The following PAX3 variants were observed in gnomAD, a reference collection of about 807,000 sequenced individuals.
PAX3 encodes the protein paired box protein Pax-3.
PAX3 carries 14 observed loss-of-function variants against 51.6 expected under a neutral mutation model. That is an observed-to-expected ratio of 0.27 (90% CI 0.18 to 0.42). The LOEUF (loss-of-function observed/expected upper bound fraction) is 0.42. Among genes scored for constraint, PAX3 ranks in the 10% least tolerant of loss-of-function variants. The pLI is 1.00. For missense variants in PAX3, 540 were observed against 642.8 expected (o/e 0.84, Z 1.73); for synonymous variants, 280 against 253.4 (o/e 1.11, Z -1.00).
At chr2:222,275,339 A>G (rs1694381367) in intron 4 of PAX3, among the ~76,000 whole-genome samples, 1 of 152,212 alleles carries the variant, frequency 6.6e-6, no homozygotes, top group South Asian at 2.1e-4. Context: ...ATTTAAGATA[A>G]ACTACAATAA....
chr2:222,205,108 CA>C (rs1343951184), intron 7 of PAX3, among the ~76,000 whole-genome samples: 1 of 152,144 alleles, frequency 6.6e-6, no homozygotes, highest in African/African-American at 2.4e-5. Flanking sequence ...TGATGTTGTT[CA>C]TGAAGCAACT....
chr2:222,244,218 G>T (rs975292055), intron 4 of PAX3, among the ~76,000 whole-genome samples: 1 of 152,164 alleles, frequency 6.6e-6, no homozygotes, highest in African/African-American at 2.4e-5. Context: ...TTGTGTCTAA[G>T]CAACAGTTGC....
At chr2:222,277,456 A>G (rs2106168312) in intron 4 of PAX3, among the ~76,000 whole-genome samples, 1 of 152,252 alleles carries the variant, frequency 6.6e-6, no homozygotes, top group East Asian at 1.9e-4. Flanking sequence ...GTTTTTCTAG[A>G]CGCTCATACT....
At chr2:222,277,226 T>C (rs1343182719) in intron 4 of PAX3, among the ~76,000 whole-genome samples, 5 of 152,168 alleles carry the variant, frequency 3.3e-5, no homozygotes, top group Non-Finnish European at 4.4e-5. Flanking sequence ...AGGTGATCTG[T>C]CATGGATCCA....
chr2:222,280,106 G>A (rs1354168797), intron 4 of PAX3, among the ~76,000 whole-genome samples: 1 of 152,076 alleles, frequency 6.6e-6, no homozygotes, highest in Non-Finnish European at 1.5e-5. Flanking sequence ...AGCTACTCAG[G>A]AGGCTGAGAC....
In PAX3 at chr2:222,200,598, G is replaced by A. The variant is rs139580503; in HGVS notation, c.*810C>T. On this transcript the variant is annotated 3_prime_UTR_variant, in exon 9 of 9. Coordinates refer to ENST00000392070, the MANE Select transcript of PAX3 (RefSeq NM_181458.4). ...CACACTGATAAGCAGATATGTGAATGCATGTCACTTTCTCTCCACCGTGCC... is the reference window on the plus strand; with the variant it reads ...CACACTGATAAGCAGATATGTGAATACATGTCACTTTCTCTCCACCGTGCC... 8.4e-5 allele frequency: 21 copies of A among 248,586 alleles called. No homozygotes were observed. The East Asian group carries it at 1.2e-3, about 14-fold the overall frequency. 15.4% of individuals were successfully genotyped at this position (248,586 alleles called of 1,614,324 possible).
chr2:222,284,303 G>A (rs1329048031), intron 4 of PAX3, among the ~76,000 whole-genome samples: 6 of 152,172 alleles, frequency 3.9e-5, no homozygotes, highest in Non-Finnish European at 7.3e-5. Context: ...ATGGATGTAT[G>A]AGACTCGTTT....
At chr2:222,254,515 T>A (rs778868550) in intron 4 of PAX3, among the ~76,000 whole-genome samples, 11 of 152,220 alleles carry the variant, frequency 7.2e-5, no homozygotes, top group Non-Finnish European at 1.6e-4. Flanking sequence ...TATTATTTTA[T>A]CAAAAAGGCA....
chr2:222,260,698 TCTC>T (rs1167712021), intron 4 of PAX3, among the ~76,000 whole-genome samples: 3 of 149,710 alleles, frequency 2.0e-5, no homozygotes, highest in Non-Finnish European at 3.0e-5. Context: ...TTCAAGCAAT[TCTC>T]CTCCTCAGCT....
intron 4 of PAX3, among the ~76,000 whole-genome samples, chr2:222,291,176 G>C (rs906680083): frequency 5.9e-5 from 9 of 152,168 alleles, no homozygotes; most frequent in Admixed American, 5.9e-4. Context: ...CCCATTGAGC[G>C]GCCGCTGCGC....
At chr2:222,255,781 TC>T (rs1693614665) in intron 4 of PAX3, among the ~76,000 whole-genome samples, 1 of 128,056 alleles carries the variant, frequency 7.8e-6, no homozygotes, top group Non-Finnish European at 1.8e-5. Flanking sequence ...CCAATTATAT[TC>T]TTTTTTTTTT....
intron 4 of PAX3, among the ~76,000 whole-genome samples, chr2:222,260,968 T>G (rs1159678342): frequency 6.6e-6 from 1 of 152,170 alleles, no homozygotes; most frequent in Non-Finnish European, 1.5e-5. Flanking sequence ...TACAAATAGT[T>G]AAAATGGACT....
chr2:222,257,521 C>A (rs1224094298), intron 4 of PAX3, among the ~76,000 whole-genome samples: 1 of 152,170 alleles, frequency 6.6e-6, no homozygotes, highest in African/African-American at 2.4e-5. Context: ...GGGACTTTCA[C>A]TGAGATAGTG....
chr2:222,202,109 G>C lies in PAX3; in HGVS notation c.1255C>G (p.Leu419Val). The C allele has an allele frequency of 6.2e-7, 1 of 1,613,854 alleles. No homozygotes were observed. The highest frequency in any genetic ancestry group is 1.3e-5 in the African/African-American group (1 of 75,004). Reference sequence around the variant, plus strand: ...GCCGACACCGTGGTGGTAGGTTCCAGACCCCCGGTGAGAGGGGAGAGCGCG... The same window carrying C: ...GCCGACACCGTGGTGGTAGGTTCCACACCCCCGGTGAGAGGGGAGAGCGCG... ...DYALSPLTGG[L>V]EPTTTVSASC... Residue 419 changes from leucine (L) to valine (V), a missense_variant, in exon 8 of 9, where the codon CTG (leucine) becomes GTG (valine). Around this residue, in one of 3 missense-constraint regions of PAX3, gnomAD observed 427 missense variants for 483.6 expected, o/e 0.88. Coordinates refer to ENST00000392070, the MANE Select transcript of PAX3 (RefSeq NM_181458.4).
intron 4 of PAX3, among the ~76,000 whole-genome samples, chr2:222,268,247 G>A (rs901493476): frequency 2.0e-5 from 3 of 152,158 alleles, no homozygotes. Flanking sequence ...ATGTATGTGC[G>A]TGCCTGGGTT....
In PAX3 at chr2:222,220,334, T is replaced by C; in HGVS notation, c.979A>G (p.Thr327Ala). The change falls in exon 7 of 9, where the codon ACC becomes GCC. Residue 327 changes from threonine (T) to alanine (A), a missense_variant. Coordinates refer to ENST00000392070, the MANE Select transcript of PAX3 (RefSeq NM_181458.4). ...GGAAGCGGTTGAGGTCTGTGAACGG[T>C]GCTGCTGGGATCTGACACAGCTGAA... Reference protein sequence around the residue: ...IPQAVSDPSSTVHRPQPLPPS... With the variant: ...IPQAVSDPSSAVHRPQPLPPS... 6.2e-7 allele frequency: 1 copy of C among 1,614,040 alleles called. No homozygotes were observed. Among genetic ancestry groups the C allele is most frequent in the Non-Finnish European group, 8.5e-7 (1 of 1,179,938 alleles).
intron 4 of PAX3, among the ~76,000 whole-genome samples, chr2:222,288,799 C>G (rs1342904325): frequency 6.6e-6 from 1 of 152,202 alleles, no homozygotes; most frequent in East Asian, 1.9e-4. Context: ...GTTCCTATTT[C>G]TTAAAGAGAA....
At position 222,235,901 on chromosome 2, in the gene PAX3, T is replaced by A. The variant is rs184404348; in HGVS notation, c.587-3618A>T. Among the ~76,000 whole-genome samples the A allele has an allele frequency of 4.9e-3, 740 of 152,302 alleles. 9 individuals carry two copies. Among genetic ancestry groups the A allele is most frequent in the South Asian group, 0.033 (161 of 4,822 alleles). On this transcript the variant is annotated intron_variant, in intron 4 of 8. Coordinates refer to ENST00000392070, the MANE Select transcript of PAX3 (RefSeq NM_181458.4). The stretch of plus-strand genomic sequence containing the variant: ...TTCTAGACTGTTTATTCAAAAGCAA[T>A]GGAAAGGTTGCATCTAACTGGGAAA...
At chr2:222,276,202 C>T (rs1188491541) in intron 4 of PAX3, among the ~76,000 whole-genome samples, 3 of 152,196 alleles carry the variant, frequency 2.0e-5, no homozygotes, top group African/African-American at 7.2e-5. Flanking sequence ...AAGTGAAGCT[C>T]TCAAAACAAT....
Sources: allele counts gnomAD v4.1 joint callset (sites outside exome capture counted in the v4.1 genomes callset), GRCh38; gene constraint gnomAD v4.1.1; regional missense constraint gnomAD v4.1.1; transcripts MANE v1.5; gene names NCBI Gene and HGNC (gene_info 2026-07-23, HGNC 2026-07-21).